Variants in TUNAR observed in about 807,000 individuals in gnomAD.
TUNAR encodes transmembrane neural differentiation associated intracellular calcium regulator.
intron 2 of TUNAR, among the ~76,000 whole-genome samples, chr14:95,889,792 G>A (rs956745910): frequency 6.6e-6 from 1 of 152,112 alleles, no homozygotes; most frequent in African/African-American, 2.4e-5. Context: ...CAGGGGTGGT[G>A]GCAGTGCAGA....
intron 2 of TUNAR, among the ~76,000 whole-genome samples, chr14:95,896,469 G>A (rs1889271113): frequency 6.6e-6 from 1 of 152,224 alleles, no homozygotes; most frequent in Admixed American, 6.5e-5. Flanking sequence ...CTCCTGCCCT[G>A]TTTTGTGTGG....
chr14:95,924,041 C>T (rs1166193897), exon 3 of TUNAR: 1 of 152,196 alleles, frequency 6.6e-6, no homozygotes, highest in Non-Finnish European at 1.5e-5. Flanking sequence ...TTGTTTCATT[C>T]TTGTGACCAT....
chr14:95,900,641 G>A (rs1241077647), intron 2 of TUNAR, among the ~76,000 whole-genome samples: 1 of 152,208 alleles, frequency 6.6e-6, no homozygotes, highest in Non-Finnish European at 1.5e-5. Context: ...GGCAGGAGGT[G>A]GGCTCCATGC....
intron 2 of TUNAR, among the ~76,000 whole-genome samples, chr14:95,919,810 C>T (rs1889661989): frequency 6.6e-6 from 1 of 152,102 alleles, no homozygotes; most frequent in Non-Finnish European, 1.5e-5. Flanking sequence ...TGTGACAAAG[C>T]AAGTATGGGA....
At chr14:95,921,659 T>C (rs1250648354) in intron 2 of TUNAR, among the ~76,000 whole-genome samples, 1 of 152,160 alleles carries the variant, frequency 6.6e-6, no homozygotes, top group Non-Finnish European at 1.5e-5. Flanking sequence ...CTGGTGCCCC[T>C]CCCTCATGGC....
intron 2 of TUNAR, among the ~76,000 whole-genome samples, chr14:95,910,687 G>A (rs571359160): frequency 1.1e-4 from 16 of 143,352 alleles, no homozygotes; most frequent in East Asian, 2.0e-4. Flanking sequence ...CCTGGCTGCC[G>A]TCTCCCTTGA....
chr14:95,877,454 G>C (rs55653274), intron 2 of TUNAR, among the ~76,000 whole-genome samples: 29,241 of 152,172 alleles, frequency 0.19, 3,048 homozygotes, highest in South Asian at 0.24. Flanking sequence ...ATGCAGCTAG[G>C]TTCAGACTTA....
chr14:95,913,705 T>C (rs568550781), intron 2 of TUNAR, among the ~76,000 whole-genome samples: 25 of 152,060 alleles, frequency 1.6e-4, no homozygotes, highest in African/African-American at 5.8e-4. Flanking sequence ...GCAGGGTCAC[T>C]AACCTAGAGA....
intron 2 of TUNAR, among the ~76,000 whole-genome samples, chr14:95,910,184 A>G (rs1327949976): frequency 6.6e-6 from 1 of 152,168 alleles, no homozygotes; most frequent in Non-Finnish European, 1.5e-5. Context: ...TAAAATGCAG[A>G]TAATGCTTAT....
intron 2 of TUNAR, among the ~76,000 whole-genome samples, chr14:95,881,059 A>T (rs11627192): frequency 6.6e-6 from 1 of 152,046 alleles, no homozygotes; most frequent in Non-Finnish European, 1.5e-5. Context: ...TTCCACTGCT[A>T]CTGCAGTGTG....
chr14:95,901,403 C>G (rs887486501), intron 2 of TUNAR, among the ~76,000 whole-genome samples: 1 of 152,232 alleles, frequency 6.6e-6, no homozygotes, highest in Non-Finnish European at 1.5e-5. Flanking sequence ...TTCAGACCCT[C>G]CTTCTGTAAG....
chr14:95,914,010 C>T (rs1034905884), intron 2 of TUNAR, among the ~76,000 whole-genome samples: 16 of 152,342 alleles, frequency 1.1e-4, no homozygotes, highest in African/African-American at 2.6e-4. Flanking sequence ...GGATTACTGG[C>T]GTGAGCCACC....
At chr14:95,911,716 A>G (rs1006429341) in intron 2 of TUNAR, among the ~76,000 whole-genome samples, 2 of 152,192 alleles carry the variant, frequency 1.3e-5, no homozygotes, top group Non-Finnish European at 2.9e-5. Context: ...ACTCCATTGA[A>G]AGCAGCCAGC....
At chr14:95,877,827 C>T (rs1288454657) in intron 2 of TUNAR, among the ~76,000 whole-genome samples, 1 of 152,210 alleles carries the variant, frequency 6.6e-6, no homozygotes, top group East Asian at 1.9e-4. Flanking sequence ...GTCCATCCTG[C>T]CATCACGCTG....
At chr14:95,900,405 G>A (rs1444406222) in intron 2 of TUNAR, among the ~76,000 whole-genome samples, 2 of 152,228 alleles carry the variant, frequency 1.3e-5, no homozygotes, top group Non-Finnish European at 2.9e-5. Context: ...GGCTGGACAG[G>A]AAGTTGAGTG....
At chr14:95,889,124 T>C (rs143147051) in intron 2 of TUNAR, among the ~76,000 whole-genome samples, 2,260 of 152,170 alleles carry the variant, frequency 0.015, 25 homozygotes, top group Middle Eastern at 0.024. Flanking sequence ...ATACCAACCC[T>C]TGGGGCAGAC....
chr14:95,883,014 G>A (rs1304513257), intron 2 of TUNAR, among the ~76,000 whole-genome samples: 3 of 152,110 alleles, frequency 2.0e-5, no homozygotes, highest in Non-Finnish European at 4.4e-5. Flanking sequence ...AAAACAGTAC[G>A]TCTATTATCC....
intron 1 of TUNAR, 92 bp from the exon 1 acceptor site, chr14:95,876,740 G>C (rs1324508289): frequency 6.6e-6 from 1 of 152,292 alleles, no homozygotes; most frequent in East Asian, 1.9e-4. Context: ...GCGCAGCGCG[G>C]GGAGCAGACG....
intron 2 of TUNAR, among the ~76,000 whole-genome samples, chr14:95,890,309 C>A (rs933262531): frequency 6.6e-6 from 1 of 152,202 alleles, no homozygotes; most frequent in Non-Finnish European, 1.5e-5. Flanking sequence ...TCTAACCTTC[C>A]TCTCCAACTT....
Sources: gnomAD v4.1 joint callset for allele counts (sites outside exome capture counted in the v4.1 genomes callset) on GRCh38, gnomAD v4.1.1 for gene constraint, MANE v1.5 for transcripts, NCBI Gene and HGNC (gene_info 2026-07-23, HGNC 2026-07-21) for gene names.